Variants in SPIDR observed in about 807,000 individuals in gnomAD.
SPIDR encodes the protein DNA repair-scaffolding protein.
In SPIDR, 93 loss-of-function variants were observed where a neutral mutation model predicts 104.6. That is an observed-to-expected ratio of 0.89 (90% CI 0.75 to 1.06). SPIDR has a LOEUF of 1.06. Among genes scored for constraint, SPIDR ranks in the 50% least tolerant of loss-of-function variants. The probability of loss-of-function intolerance (pLI) is 0.00; values close to 1 mark genes in which losing one functional copy is unlikely to be tolerated. For missense variants in SPIDR, 1,154 were observed against 1,111.2 expected (o/e 1.04, Z -0.55); for synonymous variants, 431 against 416.9 (o/e 1.03, Z -0.41).
intron 8 of SPIDR, among the ~76,000 whole-genome samples, chr8:47,495,985 G>T (rs1261692150): frequency 1.3e-5 from 2 of 151,576 alleles, no homozygotes; most frequent in Non-Finnish European, 2.9e-5. Flanking sequence ...TTTTCATATT[G>T]TCTGATCATA....
At chr8:47,697,855 C>T (rs1047552137) in intron 11 of SPIDR, 7 of 152,324 alleles carry the variant, frequency 4.6e-5, no homozygotes, top group African/African-American at 1.7e-4. Context: ...CTTGACCTCC[C>T]CCCATGCTCT....
chr8:47,363,722 G>T (rs1475523964), intron 5 of SPIDR, among the ~76,000 whole-genome samples: 2 of 151,856 alleles, frequency 1.3e-5, no homozygotes, highest in Admixed American at 1.3e-4. Context: ...GCCATCCATA[G>T]AACTGAACTG....
chr8:47,277,007 C>T (rs2036565655), intron 1 of SPIDR: 1 of 151,718 alleles, frequency 6.6e-6, no homozygotes, highest in African/African-American at 2.4e-5. Flanking sequence ...TGGCTCACCG[C>T]AACTGCCGCC....
intron 16 of SPIDR, among the ~76,000 whole-genome samples, chr8:47,723,005 A>G (rs928365900): frequency 2.0e-5 from 3 of 151,970 alleles, no homozygotes; most frequent in African/African-American, 4.8e-5. Flanking sequence ...CACCATGCCC[A>G]GTTAATTTTT....
chr8:47,575,978 T>C (rs1175892123), intron 8 of SPIDR, among the ~76,000 whole-genome samples: 2 of 137,706 alleles, frequency 1.5e-5, no homozygotes, highest in Non-Finnish European at 3.1e-5. Context: ...AAAAAGTTTC[T>C]TTTTTTTTTT....
chr8:47,727,095 C>A, intron 16 of SPIDR, 105 bp from the exon 17 acceptor site: 2 of 891,048 alleles, frequency 2.2e-6, no homozygotes, highest in Non-Finnish European at 3.6e-6. Context: ...CCAAGTAAGG[C>A]AAAAATCACG....
At chr8:47,326,022 G>A (rs1224179717) in intron 5 of SPIDR, among the ~76,000 whole-genome samples, 1 of 151,902 alleles carries the variant, frequency 6.6e-6, no homozygotes, top group African/African-American at 2.4e-5. Flanking sequence ...GACAGGGTCT[G>A]GCTTTGTTTC....
chr8:47,673,433 A>C (rs1329991571), intron 10 of SPIDR: 1 of 460,888 alleles, frequency 2.2e-6, no homozygotes, highest in Non-Finnish European at 4.4e-6. Flanking sequence ...TAAAAATGGG[A>C]AAAGGACACT....
intron 14 of SPIDR, among the ~76,000 whole-genome samples, chr8:47,707,266 A>AAG (rs1323889838): frequency 6.6e-6 from 1 of 152,040 alleles, no homozygotes; most frequent in East Asian, 1.9e-4. Context: ...AAAAAAAAAA[A>AAG]AAAAATTCAT....
At chr8:47,693,669 A>G (rs977957487) in intron 11 of SPIDR, among the ~76,000 whole-genome samples, 4 of 151,944 alleles carry the variant, frequency 2.6e-5, no homozygotes, top group Admixed American at 1.3e-4. Context: ...GACACAAAAC[A>G]GGCAGCACTA....
At chr8:47,340,837 C>G (rs781986888) in intron 5 of SPIDR, among the ~76,000 whole-genome samples, 1 of 152,144 alleles carries the variant, frequency 6.6e-6, no homozygotes, top group Non-Finnish European at 1.5e-5. Flanking sequence ...GGTTAGCAAA[C>G]ACATCAGTGT....
At chr8:47,486,859 G>A (rs1166897522) in intron 8 of SPIDR, among the ~76,000 whole-genome samples, 7 of 152,078 alleles carry the variant, frequency 4.6e-5, no homozygotes, top group Admixed American at 2.0e-4. Context: ...AGCACTAAAC[G>A]CGGAAAGGAA....
chr8:47,587,609 CAAAAAAAAAAAA>C (rs36084278), intron 8 of SPIDR, among the ~76,000 whole-genome samples: 1 of 58,830 alleles, frequency 1.7e-5, no homozygotes, highest in African/African-American at 5.3e-5. Flanking sequence ...GACCCTGCCT[CAAAAAAAAAAAA>C]AAAAAAAAAA....
chr8:47,512,633 C>T (rs546780654), intron 8 of SPIDR, among the ~76,000 whole-genome samples: 1 of 152,256 alleles, frequency 6.6e-6, no homozygotes, highest in East Asian at 1.9e-4. Context: ...GTGGCGCTGA[C>T]GTCACGGCTG....
chr8:47,586,637 C>G (rs1170565510), intron 8 of SPIDR, among the ~76,000 whole-genome samples: 1 of 152,118 alleles, frequency 6.6e-6, no homozygotes, highest in African/African-American at 2.4e-5. Context: ...CTAGTCCTTT[C>G]TTGGTATGTG....
At chr8:47,656,818 T>C (rs1221245797) in intron 10 of SPIDR, among the ~76,000 whole-genome samples, 2 of 152,226 alleles carry the variant, frequency 1.3e-5, no homozygotes, top group Non-Finnish European at 2.9e-5. Flanking sequence ...TGGAATATCA[T>C]TCAGCAACAA....
At chr8:47,578,059 T>TA (rs1273116618) in intron 8 of SPIDR, among the ~76,000 whole-genome samples, 1 of 152,218 alleles carries the variant, frequency 6.6e-6, no homozygotes, top group Non-Finnish European at 1.5e-5. Flanking sequence ...AATGATAACT[T>TA]AAAGACTAAT....
chr8:47,318,402 T>A (rs1214145648), intron 5 of SPIDR, among the ~76,000 whole-genome samples: 1 of 150,720 alleles, frequency 6.6e-6, no homozygotes, highest in Non-Finnish European at 1.5e-5. Context: ...GAAAAAAGAA[T>A]TAAAAGAAAC....
chr8:47,295,801 G>T (rs2040737255), intron 5 of SPIDR, among the ~76,000 whole-genome samples: 1 of 151,880 alleles, frequency 6.6e-6, no homozygotes. Context: ...CAATCCTTTG[G>T]CCCAGAAGTG....
Sources: gnomAD v4.1 joint callset for allele counts (sites outside exome capture counted in the v4.1 genomes callset) on GRCh38, gnomAD v4.1.1 for gene constraint, MANE v1.5 for transcripts, NCBI Gene and HGNC (gene_info 2026-07-23, HGNC 2026-07-21) for gene names.